Variants in MAP3K15 observed in about 807,000 individuals in gnomAD.
The protein encoded by MAP3K15 is MAPK/ERK kinase kinase 15.
Under a neutral mutation model 99.5 loss-of-function variants are expected in MAP3K15, and 124 were observed. That is an observed-to-expected ratio of 1.25 (90% CI 1.08 to 1.45). The LOEUF (loss-of-function observed/expected upper bound fraction) is 1.45. Among genes scored for constraint, MAP3K15 ranks in the 40% most tolerant of loss-of-function variants. The pLI, the probability that MAP3K15 is intolerant of heterozygous loss-of-function variation, is 0.00. For missense variants in MAP3K15, 1,242 were observed against 1,079.7 expected (o/e 1.15, Z -2.11); for synonymous variants, 494 against 439.6 (o/e 1.12, Z -1.55).
At position 19,398,310 on chromosome X, in the gene MAP3K15, C is replaced by A. The variant is rs1376441413; in HGVS notation, c.1982G>T (p.Gly661Val). The A allele has an allele frequency of 1.7e-6, 2 of 1,211,207 alleles. No individual in the cohort carries two copies. Among genetic ancestry groups the A allele is most frequent in the East Asian group, 5.9e-5 (2 of 33,817 alleles). ...ANGERVVLGK[G>V]TYGIVYAGRD... is the part of the protein sequence containing the mutation. The stretch of plus-strand genomic sequence containing the variant: ...GCCAGCATACACAATCCCATACGTG[C>A]CTTTCCCCAAGACAACTCTCTCACC... The change falls in exon 15 of 29, where the codon GGC becomes GTC. Residue 661 changes from glycine to valine, a missense_variant. By Grantham distance (109) the Gly-to-Val change is moderately radical (BLOSUM62 -3). Coordinates refer to ENST00000338883, the MANE Select transcript of MAP3K15 (RefSeq NM_001001671.4).
chrX:19,500,263 TAATGA>T (rs1239668770), intron 1 of MAP3K15, among the ~76,000 whole-genome samples: 1 of 110,374 alleles, frequency 9.1e-6, no homozygotes, highest in Non-Finnish European at 1.9e-5. Context: ...AATATAAAAA[TAATGA>T]AATAAAAAGA....
chrX:19,485,640 C>G (rs1183288605), intron 3 of MAP3K15, among the ~76,000 whole-genome samples: 1 of 111,152 alleles, frequency 9.0e-6, no homozygotes, highest in African/African-American at 3.3e-5. Context: ...CAGGGGAAAG[C>G]TTTGCCTCCT....
intron 1 of MAP3K15, among the ~76,000 whole-genome samples, chrX:19,507,751 G>C (rs1322568832): frequency 1.8e-5 from 2 of 110,276 alleles, no homozygotes; most frequent in Non-Finnish European, 3.8e-5. Flanking sequence ...GTTTGTGGGA[G>C]AGGGCAGAGG....
intron 3 of MAP3K15, among the ~76,000 whole-genome samples, chrX:19,465,717 GC>G (rs1466549435): frequency 9.1e-6 from 1 of 110,489 alleles, no homozygotes; most frequent in Non-Finnish European, 1.9e-5. Flanking sequence ...TCGCACCACT[GC>G]CCTCCAGCCT....
At chrX:19,407,337 A>T in intron 12 of MAP3K15, 54 bp from the exon 13 acceptor site, 1 of 657,147 alleles carries the variant, frequency 1.5e-6, no homozygotes, top group South Asian at 3.8e-5. Flanking sequence ...CCCACTCTAA[A>T]TCTGCAAGAC....
intron 24 of MAP3K15, among the ~76,000 whole-genome samples, chrX:19,369,847 T>C (rs186668487): frequency 0.01 from 1,126 of 109,436 alleles, 16 homozygotes; most frequent in African/African-American, 0.036. Flanking sequence ...GAGATGGAGG[T>C]TGCAGTGAGG....
chrX:19,489,041 G>C (rs2064349417), intron 1 of MAP3K15, 74 bp from the exon 2 acceptor site: 1 of 979,379 alleles, frequency 1.0e-6, no homozygotes, highest in Non-Finnish European at 1.4e-6. Context: ...GTGATCACCA[G>C]TGAGGAGCTA....
At chrX:19,491,241 T>C (rs912966818) in intron 1 of MAP3K15, among the ~76,000 whole-genome samples, 1 of 110,825 alleles carries the variant, frequency 9.0e-6, no homozygotes, top group Non-Finnish European at 1.9e-5. Context: ...GATAGAAGTG[T>C]CAACAGGGCA....
intron 6 of MAP3K15, among the ~76,000 whole-genome samples, chrX:19,436,041 C>G (rs1376915560): frequency 1.8e-5 from 2 of 110,254 alleles, no homozygotes; most frequent in African/African-American, 6.6e-5. Context: ...GCAGTCCCAG[C>G]TACTCGGGAG....
At chrX:19,378,360 A>C (rs2063435287) in intron 19 of MAP3K15, among the ~76,000 whole-genome samples, 1 of 112,246 alleles carries the variant, frequency 8.9e-6, no homozygotes, top group Non-Finnish European at 1.9e-5. Flanking sequence ...GCTATGAAGA[A>C]ATACCTGAGA....
At chrX:19,454,852 A>T (rs925181468) in intron 6 of MAP3K15, among the ~76,000 whole-genome samples, 10 of 112,120 alleles carry the variant, frequency 8.9e-5, no homozygotes, top group Middle Eastern at 4.6e-3. Context: ...TTACGAGTTA[A>T]GCATCCCTAA....
At chrX:19,457,594 A>C (rs1352961452) in intron 5 of MAP3K15, among the ~76,000 whole-genome samples, 2 of 112,147 alleles carry the variant, frequency 1.8e-5, no homozygotes, top group Non-Finnish European at 3.8e-5. Context: ...GCTGGGCAAC[A>C]GAGCAAGACT....
chrX:19,410,119 A>G, intron 11 of MAP3K15, 146 bp from the exon 12 acceptor site: 3 of 421,284 alleles, frequency 7.1e-6, no homozygotes, highest in Non-Finnish European at 1.2e-5. Context: ...CTTGTATAAC[A>G]TGGAACACCA....
chrX:19,380,232 C>T lies in MAP3K15; in HGVS notation c.2477G>A (p.Arg826His). 3.3e-6 allele frequency: 4 copies of T among 1,205,544 alleles called. No individual in the cohort carries two copies. Among genetic ancestry groups the T allele is most frequent in the East Asian group, 3.0e-5 (1 of 33,645 alleles). The change falls in exon 19 of 29, where the codon CGC (arginine) becomes CAC (histidine). Residue 826 changes from arginine (R) to histidine (H), a missense_variant. Arg to His is a conservative substitution (Grantham distance 29). Transcript: ENST00000338883. ...GATATCGGCTGGGGCACCATATCCG[C>T]GAGGCCCTTGGTCAATTATCTCAGG... Reference protein sequence around the residue: ...MAPEIIDQGPRGYGAPADIWS... With the variant: ...MAPEIIDQGPHGYGAPADIWS...
chrX:19,457,314 TAAC>T (rs2064100359), intron 5 of MAP3K15, among the ~76,000 whole-genome samples: 1 of 111,941 alleles, frequency 8.9e-6, no homozygotes, highest in African/African-American at 3.2e-5. Context: ...GTAGGAGAGT[TAAC>T]AACATCAGCA....
chrX:19,472,080 C>T (rs1439182625), intron 3 of MAP3K15, among the ~76,000 whole-genome samples: 10 of 110,107 alleles, frequency 9.1e-5, no homozygotes, highest in African/African-American at 3.3e-4. Context: ...AAACATTAGC[C>T]GGGCGTAGTG....
At chrX:19,389,910 CACACATTG>C (rs1307095070) in intron 18 of MAP3K15, among the ~76,000 whole-genome samples, 1 of 112,128 alleles carries the variant, frequency 8.9e-6, no homozygotes, top group Non-Finnish European at 1.9e-5. Context: ...TATTCATATA[CACACATTG>C]ACAGATGTAT....
intron 3 of MAP3K15, chrX:19,482,417 C>T (rs2064297496): frequency 8.9e-6 from 1 of 111,763 alleles, no homozygotes; most frequent in Non-Finnish European, 1.9e-5. Flanking sequence ...AAGGAAAGAA[C>T]TACTGATCCA....
chrX:19,467,716 CTACGTGG>C (rs2064178321), intron 3 of MAP3K15, among the ~76,000 whole-genome samples: 1 of 12,528 alleles, frequency 8.0e-5, no homozygotes, highest in Admixed American at 1.7e-3. Context: ...GCAGTGAAAC[CTACGTGG>C]GAGGTTGAGG....
Sources: gnomAD v4.1 joint callset for allele counts (sites outside exome capture counted in the v4.1 genomes callset) on GRCh38, gnomAD v4.1.1 for gene constraint, MANE v1.5 for transcripts, NCBI Gene and HGNC (gene_info 2026-07-23, HGNC 2026-07-21) for gene names.